Variants in C1orf146 observed in about 807,000 individuals in gnomAD.
C1orf146 encodes the protein protein SPO16 homolog.
In C1orf146, 22 loss-of-function variants were observed where a neutral mutation model predicts 23.0. The observed-to-expected ratio is 0.96, with a 90% CI of 0.68 to 1.36. C1orf146 has a LOEUF of 1.36. Among genes scored for constraint, C1orf146 ranks in the 40% most tolerant of loss-of-function variants. The probability of loss-of-function intolerance (pLI) is 0.00; values close to 1 mark genes in which losing one functional copy is unlikely to be tolerated. For missense variants in C1orf146, 199 were observed against 206.8 expected (o/e 0.96, Z 0.23); for synonymous variants, 59 against 65.3 (o/e 0.90, Z 0.47).
intron 2 of C1orf146, among the ~76,000 whole-genome samples, chr1:92,236,692 G>C (rs377351878): frequency 9.2e-5 from 14 of 152,192 alleles, no homozygotes; most frequent in Non-Finnish European, 4.4e-5. Flanking sequence ...TGGATAATAT[G>C]CTGCAGAGTG....
intron 2 of C1orf146, among the ~76,000 whole-genome samples, chr1:92,237,226 T>C (rs571528308): frequency 6.8e-4 from 103 of 152,276 alleles, no homozygotes; most frequent in Non-Finnish European, 8.1e-4. Flanking sequence ...TTTTTCCCCA[T>C]CTTTGTGGTT....
chr1:92,228,185 C>A (rs555989135), intron 1 of C1orf146, among the ~76,000 whole-genome samples: 3 of 152,140 alleles, frequency 2.0e-5, no homozygotes, highest in Admixed American at 6.6e-5. Flanking sequence ...TAAATTGTTT[C>A]CAATTTTGAT....
rs890421823 is a variant in C1orf146 at position 92,231,583 on chromosome 1, C to A, written c.66+97C>A. 5.7e-6 allele frequency: 4 copies of A among 707,940 alleles called. No homozygotes were observed. In the African/African-American group the frequency reaches 7.3e-5, roughly 13 times the overall value. The allele number at this position is 707,940 out of a possible 1,614,324, so 43.9% of individuals were successfully genotyped here. ...TTAAAAGGTTCTTAGCTTAATTATCCACAATTAATTGTGGGGAGCAGGAAG... is the reference window on the plus strand; with the variant it reads ...TTAAAAGGTTCTTAGCTTAATTATCAACAATTAATTGTGGGGAGCAGGAAG... On this transcript the variant is annotated intron_variant, in intron 2 of 5. Transcript: ENST00000370375.
At chr1:92,220,925 G>C (rs6670410) in intron 1 of C1orf146, among the ~76,000 whole-genome samples, 3 of 152,174 alleles carry the variant, frequency 2.0e-5, no homozygotes, top group Non-Finnish European at 4.4e-5. Flanking sequence ...TACAGGTTAC[G>C]AGTATCTTCA....
chr1:92,231,406 T>G lies in C1orf146; in HGVS notation c.-15T>G, dbSNP rs1470057857. The G allele has an allele frequency of 6.3e-7, 1 of 1,591,044 alleles. No individual in the cohort carries two copies. The highest frequency in any genetic ancestry group is 8.6e-7 in the Non-Finnish European group (1 of 1,167,332). ...GATTGTTGCACCATTAGAAGCTAGG[T>G]TGATCCACAGACAGATGGCTGAAAG... On this transcript the variant is annotated 5_prime_UTR_variant, in exon 2 of 6. Coordinates refer to ENST00000370375, the MANE Select transcript of C1orf146 (RefSeq NM_001012425.2).
At chr1:92,226,922 G>GT (rs953101014) in intron 1 of C1orf146, among the ~76,000 whole-genome samples, 1 of 151,990 alleles carries the variant, frequency 6.6e-6, no homozygotes, top group African/African-American at 2.4e-5. Context: ...ACCTTGTTGA[G>GT]TTTTTTAAAC....
chr1:92,240,403 C>G (rs572411088), intron 2 of C1orf146, among the ~76,000 whole-genome samples: 1 of 152,156 alleles, frequency 6.6e-6, no homozygotes, highest in Non-Finnish European at 1.5e-5. Flanking sequence ...TTGCCTTCAG[C>G]AGGCGGGTTG....
At chr1:92,232,024 T>C (rs999806373) in intron 2 of C1orf146, among the ~76,000 whole-genome samples, 2 of 152,190 alleles carry the variant, frequency 1.3e-5, no homozygotes, top group African/African-American at 4.8e-5. Context: ...GGGCAAGAAA[T>C]GATTGTTCCA....
intron 2 of C1orf146, among the ~76,000 whole-genome samples, chr1:92,236,696 CAG>C (rs1174133266): frequency 6.6e-6 from 1 of 152,190 alleles, no homozygotes; most frequent in Non-Finnish European, 1.5e-5. Flanking sequence ...TAATATGCTG[CAG>C]AGTGTTTTCC....
intron 1 of C1orf146, among the ~76,000 whole-genome samples, chr1:92,220,304 A>T (rs1448157880): frequency 6.6e-6 from 1 of 152,180 alleles, no homozygotes; most frequent in Non-Finnish European, 1.5e-5. Flanking sequence ...CTAACAGAGT[A>T]AAGAAATAGA....
intron 1 of C1orf146, among the ~76,000 whole-genome samples, chr1:92,223,683 A>G (rs1026195505): frequency 2.0e-4 from 31 of 152,012 alleles, no homozygotes; most frequent in Admixed American, 5.2e-4. Context: ...ACAGGTACGC[A>G]CCACCACGCC....
At chr1:92,221,452 C>G (rs1450076719) in intron 1 of C1orf146, among the ~76,000 whole-genome samples, 2 of 152,138 alleles carry the variant, frequency 1.3e-5, no homozygotes, top group Non-Finnish European at 2.9e-5. Context: ...ACCCATGAAA[C>G]AAACCTGCAC....
intron 1 of C1orf146, among the ~76,000 whole-genome samples, chr1:92,227,749 C>T (rs1652004382): frequency 6.6e-6 from 1 of 152,050 alleles, no homozygotes; most frequent in Non-Finnish European, 1.5e-5. Flanking sequence ...TGCCTCCTAG[C>T]TACCATGTTT....
chr1:92,236,979 T>G (rs1395519826), intron 2 of C1orf146, among the ~76,000 whole-genome samples: 3 of 152,246 alleles, frequency 2.0e-5, no homozygotes, highest in Non-Finnish European at 4.4e-5. Flanking sequence ...TAAGCACTTC[T>G]CTGTATTGTT....
chr1:92,244,132 T>TA (rs10676893), intron 3 of C1orf146, 85 bp from the exon 4 acceptor site: 6 of 860,814 alleles, frequency 7.0e-6, no homozygotes, highest in Non-Finnish European at 1.1e-5. Flanking sequence ...GTGGTATACT[T>TA]AGTTATTTTG....
At chr1:92,224,003 G>GTT (rs1651900855) in intron 1 of C1orf146, among the ~76,000 whole-genome samples, 1 of 147,744 alleles carries the variant, frequency 6.8e-6, no homozygotes, top group Non-Finnish European at 1.5e-5. Context: ...TGTTGTTGTT[G>GTT]TTGTTTTATT....
intron 2 of C1orf146, among the ~76,000 whole-genome samples, chr1:92,240,284 G>A (rs1325313287): frequency 6.6e-6 from 1 of 152,128 alleles, no homozygotes; most frequent in Non-Finnish European, 1.5e-5. Context: ...CTAAATACTT[G>A]CTCATATATT....
At chr1:92,244,468 T>G (rs1652518700) in intron 4 of C1orf146, 83 bp downstream of exon 4, 3 of 1,055,274 alleles carry the variant, frequency 2.8e-6, no homozygotes, top group Middle Eastern at 3.0e-4. Flanking sequence ...AGTTTTGTTT[T>G]GCTAGATGAT....
chr1:92,231,168 G>A (rs1415042090), intron 1 of C1orf146, among the ~76,000 whole-genome samples: 2 of 152,180 alleles, frequency 1.3e-5, no homozygotes, highest in Non-Finnish European at 2.9e-5. Context: ...AAGTTAGTGT[G>A]CTGAAATGGG....
Sources: gnomAD v4.1 joint callset for allele counts (sites outside exome capture counted in the v4.1 genomes callset) on GRCh38, gnomAD v4.1.1 for gene constraint, MANE v1.5 for transcripts, NCBI Gene and HGNC (gene_info 2026-07-23, HGNC 2026-07-21) for gene names.